FOXP4: variants seen among roughly 807,000 people sequenced by gnomAD.
FOXP4 encodes the protein forkhead box P4.
A neutral mutation model predicts 82.6 loss-of-function variants in FOXP4; 25 were observed. That is an observed-to-expected ratio of 0.30 (90% CI 0.22 to 0.42). The LOEUF is 0.42. Among genes scored for constraint, FOXP4 ranks in the 10% least tolerant of loss-of-function variants. FOXP4 has a pLI of 1.00. For synonymous variants in FOXP4, 415 were observed against 388.2 expected (o/e 1.07, Z -0.81); for missense variants, 785 against 900.9 (o/e 0.87, Z 1.65).
Position 41,591,610 on chromosome 6 carries a change from G to A in FOXP4, c.1536+288G>A, listed in dbSNP as rs1248782058. ...AGGGCCCCAAAGACGCCAGCCCCAC[G>A]AGGTAGGGCCTCTAGGAATTGCTAA... On this transcript the variant is annotated intron_variant, in intron 13 of 16. Transcript: ENST00000307972. The surrounding 1 kb of genome is among the most constrained non-coding windows in gnomAD (Gnocchi z 4.2). 6.6e-6 allele frequency among the ~76,000 whole-genome samples: 1 copy of A among 152,168 alleles called. No homozygotes were observed. Among genetic ancestry groups the A allele is most frequent in the Non-Finnish European group, 1.5e-5 (1 of 68,032 alleles).
chr6:41,570,393 C>T, intron 2 of FOXP4: 1 of 471,280 alleles, frequency 2.1e-6, no homozygotes, highest in Non-Finnish European at 4.4e-6. Context: ...TGGCCTGACA[C>T]AGTGAGAGAA....
At chr6:41,586,981 C>G in intron 5 of FOXP4, 28 bp from the exon 6 acceptor site, 1 of 1,553,508 alleles carries the variant, frequency 6.4e-7, no homozygotes, top group African/African-American at 1.4e-5. Flanking sequence ...GCACCCCTCT[C>G]TGCCCGCCCC....
In FOXP4 at chr6:41,589,989, A is replaced by C. The variant is rs369852087; in HGVS notation, c.1176A>C (p.Ser392=). Reference sequence around the variant, plus strand: ...TGAACCCGGTCCCCGGCTCCTCCTCATTCTCCAAGGTGACCGTCTCTGCAG... The same window carrying C: ...TGAACCCGGTCCCCGGCTCCTCCTCCTTCTCCAAGGTGACCGTCTCTGCAG... ...QPLNPVPGSS[S]FSKVTVSAAD... The change falls in exon 11 of 17, where the codon TCA becomes TCC. Residue 392 remains serine (S), a synonymous_variant. Transcript: ENST00000307972. The C allele has an allele frequency of 3.1e-6, 5 of 1,613,420 alleles. No homozygotes were observed. In the East Asian group the frequency reaches 8.9e-5, roughly 29 times the overall value.
chr6:41,561,694 A>G (rs1393466796), intron 1 of FOXP4, among the ~76,000 whole-genome samples: 1 of 152,174 alleles, frequency 6.6e-6, no homozygotes, highest in Admixed American at 6.5e-5. Flanking sequence ...CCACTGTGAA[A>G]GGGACCCGGC....
chr6:41,549,043 G>C (rs1763843932), intron 1 of FOXP4, among the ~76,000 whole-genome samples: 1 of 152,072 alleles, frequency 6.6e-6, no homozygotes, highest in African/African-American at 2.4e-5. Context: ...AGGGGAAGAG[G>C]TGGTTTTGTG....
intron 5 of FOXP4, among the ~76,000 whole-genome samples, chr6:41,586,683 C>T (rs1766141699): frequency 6.6e-6 from 1 of 152,220 alleles, no homozygotes; most frequent in Admixed American, 6.5e-5. Flanking sequence ...ATGAGGCACC[C>T]CCAGGCGTGC....
chr6:41,576,521 A>T (rs999404438), intron 2 of FOXP4, among the ~76,000 whole-genome samples: 3 of 152,126 alleles, frequency 2.0e-5, no homozygotes, highest in African/African-American at 7.2e-5. Context: ...CAGAAAAAAC[A>T]AGTGTATGTG....
rs1361793854 is a variant in FOXP4 at position 41,597,841 on chromosome 6, T to C, written c.1786T>C (p.Ser596Pro). 1 of 1,603,808 alleles carries C rather than the reference T, an allele frequency of 6.2e-7. No individual in the cohort carries two copies. ...CAGCCCTGGCATGCTGAACCCTGGC[T>C]CCGCCAGCAGCCTGCTGCCCCTCAG... ...LNSPGMLNPG[S>P]ASSLLPLSHD... Residue 596 changes from serine (S) to proline (P), a missense_variant, in exon 16 of 17, where the codon TCC becomes CCC. This residue lies in a region of FOXP4 where 184 missense variants were observed against 187.3 expected (regional missense o/e 0.98). Coordinates refer to ENST00000307972, the MANE Select transcript of FOXP4 (RefSeq NM_001012426.2).
In FOXP4 at chr6:41,600,753, T is replaced by C. The variant is rs1180079864; in HGVS notation, c.*1817T>C. On this transcript the variant is annotated 3_prime_UTR_variant, in exon 17 of 17. Coordinates refer to ENST00000307972, the MANE Select transcript of FOXP4 (RefSeq NM_001012426.2). The stretch of plus-strand genomic sequence containing the variant: ...TGTGGTGGTGGTTTCTGTGAGTGGA[T>C]GGAATGAGCAGCCCTGCAGGGGCGC... The C allele has an allele frequency of 6.6e-6, 1 of 152,230 alleles. No individual in the cohort carries two copies. The highest frequency in any genetic ancestry group is 2.4e-5 in the African/African-American group (1 of 41,430). The allele number at this position is 152,230 out of a possible 1,614,324, so 9.4% of individuals were successfully genotyped here.
At chr6:41,585,366 G>C (rs1766046542) in intron 4 of FOXP4, 65 bp from the exon 5 acceptor site, 1 of 1,515,706 alleles carries the variant, frequency 6.6e-7, no homozygotes. Context: ...AGCCCAGATG[G>C]GACAGGGCTG....
chr6:41,563,898 G>A (rs917904853), intron 1 of FOXP4, among the ~76,000 whole-genome samples: 1 of 152,210 alleles, frequency 6.6e-6, no homozygotes, highest in African/African-American at 2.4e-5. Context: ...GGTCCTGCAG[G>A]ACAAACTGGG....
intron 16 of FOXP4, among the ~76,000 whole-genome samples, chr6:41,598,462 C>T (rs1261673642): frequency 6.6e-6 from 1 of 152,176 alleles, no homozygotes; most frequent in Non-Finnish European, 1.5e-5. Context: ...AGGTGATCCA[C>T]TGGCCTCGCC....
rs1393187330 is a variant in FOXP4, at chr6:41,588,653, C to G, written c.987C>G (p.Asn329Lys). 6.2e-7 allele frequency: 1 copy of G among 1,614,112 alleles called. No individual in the cohort carries two copies. Among genetic ancestry groups the G allele is most frequent in the Non-Finnish European group, 8.5e-7 (1 of 1,180,012 alleles). The change falls in exon 9 of 17, where the codon AAC becomes AAG. Residue 329 changes from asparagine to lysine, a missense_variant. Around this residue, in one of 3 missense-constraint regions of FOXP4, gnomAD observed 570 missense variants for 634.0 expected, o/e 0.90. Coordinates refer to ENST00000307972, the MANE Select transcript of FOXP4 (RefSeq NM_001012426.2). ...TCTCTTCCCCTTGAAGACACCTCAA[C>G]ACAGAGCACGCCCTGGATGACCGGA... Reference protein sequence around the residue: ...EDLGQFIKHLNTEHALDDRST... With the variant: ...EDLGQFIKHLKTEHALDDRST...
In FOXP4 at chr6:41,586,991, C is replaced by T. The variant is rs771453560; in HGVS notation, c.511-18C>T. 23 of 1,564,570 alleles carry T rather than the reference C, an allele frequency of 1.5e-5. No individual in the cohort carries two copies. The highest frequency in any genetic ancestry group is 4.5e-5 in the East Asian group (2 of 44,002). On this transcript the variant is annotated intron_variant, in intron 5 of 16. Transcript: ENST00000307972. ...TGATGGCACCCCTCTCTGCCCGCCC[C>T]CTCGGGCCCCTCACCAGGCACTGGG...
Position 41,584,739 on chromosome 6 carries a change from GGGACA to G in FOXP4, c.301-27_301-23del, listed in dbSNP as rs1158016356. The G allele has an allele frequency of 2.6e-6, 4 of 1,555,004 alleles. No individual in the cohort carries two copies. The Admixed American group carries it at 7.7e-5, about 30-fold the overall frequency. The stretch of plus-strand genomic sequence containing the variant: ...TGCCTCCTCCTGGGTTGGGGTCCAG[GGGACA>G]GGGCTAACGGGCCGAATCCTGCAGG... On this transcript the variant is annotated intron_variant, in intron 3 of 16. Transcript: ENST00000307972.
At chr6:41,576,534 G>C (rs1311391014) in intron 2 of FOXP4, among the ~76,000 whole-genome samples, 1 of 152,166 alleles carries the variant, frequency 6.6e-6, no homozygotes, top group East Asian at 1.9e-4. Context: ...TGTATGTGTG[G>C]ACAGATGTGA....
In FOXP4 at chr6:41,591,153, A is replaced by G; in HGVS notation, c.1435-68A>G. 1.5e-6 allele frequency: 2 copies of G among 1,302,946 alleles called. No individual in the cohort carries two copies. Among genetic ancestry groups the G allele is most frequent in the Non-Finnish European group, 2.2e-6 (2 of 919,340 alleles). The allele number at this position is 1,302,946 out of a possible 1,614,324, so 80.7% of individuals were successfully genotyped here. A position where few individuals can be genotyped will look rare whatever the true frequency, so the allele number is the denominator to read the frequency against. The stretch of plus-strand genomic sequence containing the variant: ...AGGCAGAAGGGAGAGGTACTGGGGG[A>G]GGGAACCCAGGGCTGTGACCCTTCG... On this transcript the variant is annotated intron_variant, in intron 12 of 16. Coordinates refer to ENST00000307972, the MANE Select transcript of FOXP4 (RefSeq NM_001012426.2). The surrounding 1 kb of genome is among the most constrained non-coding windows in gnomAD (Gnocchi z 4.2).
chr6:41,580,993 A>G (rs1765766916), intron 3 of FOXP4, among the ~76,000 whole-genome samples: 1 of 152,222 alleles, frequency 6.6e-6, no homozygotes, highest in Non-Finnish European at 1.5e-5. Context: ...GGACCCCACC[A>G]GGGAGAGACC....
rs1443072217 is a variant in FOXP4, at chr6:41,601,458, C to T, written c.*2522C>T. 1.3e-5 allele frequency: 2 copies of T among 152,280 alleles called. No homozygotes were observed. Among genetic ancestry groups the T allele is most frequent in the African/African-American group, 4.8e-5 (2 of 41,434 alleles). 9.4% of individuals were successfully genotyped at this position (152,280 alleles called of 1,614,324 possible). ...CTGTGCACATCCCCAGGGCCTCAGC[C>T]GTCTCATTGGTCTTTATTTTTTATT... On this transcript the variant is annotated 3_prime_UTR_variant, in exon 17 of 17. Coordinates refer to ENST00000307972, the MANE Select transcript of FOXP4 (RefSeq NM_001012426.2).
Sources: gnomAD v4.1 joint callset for allele counts (sites outside exome capture counted in the v4.1 genomes callset) on GRCh38, gnomAD v4.1.1 for gene constraint, gnomAD v4.1.1 regional missense constraint, Gnocchi (gnomAD v3.1) non-coding constraint, MANE v1.5 for transcripts, NCBI Gene and HGNC (gene_info 2026-07-23, HGNC 2026-07-21) for gene names.